C3orf33: variants seen among roughly 807,000 people sequenced by gnomAD.
The protein encoded by C3orf33 is mitochondrial inner membrane subdomain organizer 1.
C3orf33 carries 23 observed loss-of-function variants against 28.7 expected under a neutral mutation model. That is an observed-to-expected ratio of 0.80 (90% CI 0.58 to 1.13). The LOEUF (loss-of-function observed/expected upper bound fraction) is 1.13, where lower values mean the gene tolerates loss of function less well. C3orf33 is among the 50% of genes most tolerant of loss of function. The pLI is 0.00. For missense variants in C3orf33, 327 were observed against 353.4 expected (o/e 0.93, Z 0.60); for synonymous variants, 119 against 120.5 (o/e 0.99, Z 0.08).
intron 4 of C3orf33, among the ~76,000 whole-genome samples, chr3:155,766,152 C>T (rs973734973): frequency 6.6e-6 from 1 of 152,154 alleles, no homozygotes; most frequent in Admixed American, 6.5e-5. Context: ...CCTCAGCCTC[C>T]TGAGTTGCTG....
chr3:155,790,162 T>C (rs1577430845), intron 2 of C3orf33, among the ~76,000 whole-genome samples: 1 of 25,502 alleles, frequency 3.9e-5, no homozygotes, highest in Non-Finnish European at 6.6e-5. Flanking sequence ...AAACTCTGTC[T>C]CAAAAAAAAA....
At chr3:155,790,316 T>A (rs555222541) in intron 2 of C3orf33, among the ~76,000 whole-genome samples, 124 of 140,002 alleles carry the variant, frequency 8.9e-4, no homozygotes, top group Non-Finnish European at 1.7e-3. Flanking sequence ...GAGCTAAAAC[T>A]ATAAAACTCC....
chr3:155,763,510 G>T lies in C3orf33; in HGVS notation c.*7C>A. 1 of 1,465,838 alleles carries T rather than the reference G, an allele frequency of 6.8e-7. No homozygotes were observed. Among genetic ancestry groups the T allele is most frequent in the South Asian group, 1.6e-5 (1 of 62,274 alleles). 90.8% of individuals were successfully genotyped at this position (1,465,838 alleles called of 1,614,324 possible). On this transcript the variant is annotated 3_prime_UTR_variant, in exon 5 of 5. Transcript: ENST00000340171. ...GGAGAAGGTTACCTCTAGATTTCTT[G>T]ACCGTTTCACCCTTTTCTACGAAAG...
At chr3:155,781,386 GT>G (rs1750918813) in intron 2 of C3orf33, among the ~76,000 whole-genome samples, 1 of 152,098 alleles carries the variant, frequency 6.6e-6, no homozygotes, top group African/African-American at 2.4e-5. Context: ...TTGTTTGCTT[GT>G]TTTTGTTTTA....
chr3:155,767,360 G>C, intron 4 of C3orf33, 149 bp downstream of exon 4: 2 of 412,136 alleles, frequency 4.9e-6, no homozygotes, highest in Non-Finnish European at 8.3e-6. Context: ...TTGTATACAA[G>C]ACACCTATGC....
intron 2 of C3orf33, among the ~76,000 whole-genome samples, chr3:155,794,622 T>G (rs180990316): frequency 7.9e-5 from 12 of 152,046 alleles, no homozygotes; most frequent in African/African-American, 2.9e-4. Flanking sequence ...CCAACAATCT[T>G]TTGCCTACAG....
At position 155,780,221 on chromosome 3, in the gene C3orf33, A is replaced by C. The variant is rs137873992; in HGVS notation, c.175-4373T>G. On this transcript the variant is annotated intron_variant, in intron 2 of 4. Transcript: ENST00000340171. ...ACACTCTAGGAGAGGCAGAAAGATG[A>C]TGCTGCTACAAGGATGCTGTGTCTA... Among the ~76,000 whole-genome samples the C allele has an allele frequency of 4.1e-3, 620 of 152,348 alleles. 5 individuals are homozygous for C. Among genetic ancestry groups the C allele is most frequent in the African/African-American group, 0.014 (574 of 41,576 alleles).
At chr3:155,771,900 AC>A (rs1251447803) in intron 3 of C3orf33, among the ~76,000 whole-genome samples, 1 of 152,120 alleles carries the variant, frequency 6.6e-6, no homozygotes, top group East Asian at 1.9e-4. Context: ...CTCCAAGAGT[AC>A]TCTATCAAAA....
At chr3:155,776,642 T>C (rs1327962899) in intron 2 of C3orf33, among the ~76,000 whole-genome samples, 1 of 150,164 alleles carries the variant, frequency 6.7e-6, no homozygotes, top group Non-Finnish European at 1.5e-5. Context: ...AAAAATCAGC[T>C]GGGCATGGTA....
chr3:155,772,811 TGC>T (rs1750631969), intron 3 of C3orf33, among the ~76,000 whole-genome samples: 1 of 149,092 alleles, frequency 6.7e-6, no homozygotes, highest in African/African-American at 2.5e-5. Context: ...TGTGTGTGTG[TGC>T]CTCCTCATTC....
chr3:155,804,299 C>T, intron 1 of C3orf33: 1 of 290,948 alleles, frequency 3.4e-6, no homozygotes, highest in South Asian at 2.6e-5. Context: ...TCCCATAATC[C>T]TTCTGAAGTC....
At chr3:155,804,774 C>T (rs915543720) in intron 1 of C3orf33, among the ~76,000 whole-genome samples, 27 of 152,140 alleles carry the variant, frequency 1.8e-4, no homozygotes, top group Admixed American at 9.8e-4. Flanking sequence ...TTCAAGCCCA[C>T]GGCTTTAAAT....
chr3:155,781,708 G>T (rs1264697680), intron 2 of C3orf33, among the ~76,000 whole-genome samples: 1 of 143,432 alleles, frequency 7.0e-6, no homozygotes, highest in Non-Finnish European at 1.5e-5. Context: ...GCCAGAGTTT[G>T]CAGTGAGCCA....
rs186087574 is a variant in C3orf33 at position 155,781,143 on chromosome 3, G to A, written c.175-5295C>T. Among the ~76,000 whole-genome samples the A allele has an allele frequency of 7.7e-3, 1,163 of 151,702 alleles. 26 individuals carry two copies. Among genetic ancestry groups the A allele is most frequent in the African/African-American group, 0.027 (1,124 of 41,246 alleles). ...CTCCCGAGTAGCTGGGACTACAGGCGTCCGCCACCGCGCCCGGCTAATTTT... is the reference window on the plus strand; with the variant it reads ...CTCCCGAGTAGCTGGGACTACAGGCATCCGCCACCGCGCCCGGCTAATTTT... On this transcript the variant is annotated intron_variant, in intron 2 of 4. Coordinates refer to ENST00000340171, the MANE Select transcript of C3orf33 (RefSeq NM_001308229.2).
intron 4 of C3orf33, among the ~76,000 whole-genome samples, chr3:155,767,144 T>C (rs1647755489): frequency 6.6e-6 from 1 of 151,738 alleles, no homozygotes; most frequent in Non-Finnish European, 1.5e-5. Flanking sequence ...TCCCAGCTAC[T>C]CAGGAGGCTG....
intron 3 of C3orf33, among the ~76,000 whole-genome samples, chr3:155,768,344 C>CT (rs1427177294): frequency 6.6e-6 from 1 of 152,122 alleles, no homozygotes; most frequent in Non-Finnish European, 1.5e-5. Flanking sequence ...ACAGAAACTG[C>CT]TTTTTCACTT....
At chr3:155,800,896 T>C (rs1449690508) in intron 2 of C3orf33, among the ~76,000 whole-genome samples, 1 of 151,954 alleles carries the variant, frequency 6.6e-6, no homozygotes, top group East Asian at 1.9e-4. Context: ...TCAAACTCAT[T>C]AGGATGACTA....
chr3:155,771,236 A>C, intron 3 of C3orf33, among the ~76,000 whole-genome samples: 1 of 151,870 alleles, frequency 6.6e-6, no homozygotes, highest in East Asian at 1.9e-4. Flanking sequence ...CTCGCAAGTA[A>C]CCAGGGCAAC....
chr3:155,792,018 TG>T (rs1751329642), intron 2 of C3orf33, among the ~76,000 whole-genome samples: 1 of 151,948 alleles, frequency 6.6e-6, no homozygotes, highest in Admixed American at 6.6e-5. Context: ...CCATGGGCCC[TG>T]GGAGAGACGC....
Sources: allele counts gnomAD v4.1 joint callset (sites outside exome capture counted in the v4.1 genomes callset), GRCh38; gene constraint gnomAD v4.1.1; transcripts MANE v1.5; gene names NCBI Gene and HGNC (gene_info 2026-07-23, HGNC 2026-07-21).